MICALL2: variants seen among roughly 807,000 people sequenced by gnomAD.
The protein encoded by MICALL2 is MICAL-like protein 2.
In MICALL2, 111 loss-of-function variants were observed where a neutral mutation model predicts 91.1. That is an observed-to-expected ratio of 1.22 (90% confidence interval 1.04 to 1.43). MICALL2 has a LOEUF of 1.43. MICALL2 is among the 40% of genes most tolerant of loss of function. MICALL2 has a pLI of 0.00. For missense variants in MICALL2, 1,556 were observed against 1,236.0 expected (o/e 1.26, Z -3.88); for synonymous variants, 694 against 525.3 (o/e 1.32, Z -4.39).
chr7:1,444,791 G>T lies in MICALL2; in HGVS notation c.1279C>A (p.Pro427Thr). The T allele has an allele frequency of 6.2e-7, 1 of 1,611,618 alleles. No homozygotes were observed. Among genetic ancestry groups the T allele is most frequent in the Non-Finnish European group, 8.5e-7 (1 of 1,179,456 alleles). Reference sequence around the variant, plus strand: ...CTGCCAGAAAGGCTGGTGCCGGGGGGCACTGCTGATGTTTGGAAAAACTTA... The same window carrying T: ...CTGCCAGAAAGGCTGGTGCCGGGGGTCACTGCTGATGTTTGGAAAAACTTA... ...RNKFFQTSAV[P>T]PGTSLSGRGP... Residue 427 changes from proline (P) to threonine (T), a missense_variant, in exon 6 of 17, where the codon CCC (proline) becomes ACC (threonine). Transcript: ENST00000297508.
At chr7:1,437,167 G>GGCCTGT (rs767551741) in intron 14 of MICALL2, 8 of 484,098 alleles carry the variant, frequency 1.7e-5, no homozygotes, top group Non-Finnish European at 2.5e-5. Context: ...AGACGGCCTG[G>GGCCTGT]GCCTGTGCCC....
At position 1,440,491 on chromosome 7, in the gene MICALL2, A is replaced by G. The variant is rs1584206239; in HGVS notation, c.1805+100T>C. 20 of 1,062,162 alleles carry G rather than the reference A, an allele frequency of 1.9e-5. No individual in the cohort carries two copies. In the South Asian group the frequency reaches 2.6e-4, roughly 14 times the overall value. 65.8% of individuals were successfully genotyped at this position (1,062,162 alleles called of 1,614,324 possible). A position where few individuals can be genotyped will look rare whatever the true frequency, so the allele number is the denominator to read the frequency against. ...CTGCTACTCACAGGGAGGTGCGTCT[A>G]TCCCTGGATAGGCGTGTCAATCGGT... On this transcript the variant is annotated intron_variant, in intron 8 of 16. Transcript: ENST00000297508.
In MICALL2 at chr7:1,436,828, C is replaced by G. The variant is rs1177497845; in HGVS notation, c.2505G>C (p.Arg835=). 6.2e-7 allele frequency: 1 copy of G among 1,604,934 alleles called. No homozygotes were observed. Among genetic ancestry groups the G allele is most frequent in the African/African-American group, 1.3e-5 (1 of 74,560 alleles). Residue 835 remains arginine (R), a synonymous_variant, in exon 15 of 17, where the codon CGG becomes CGC. Coordinates refer to ENST00000297508, the MANE Select transcript of MICALL2 (RefSeq NM_182924.4). ...PEALKSLQER[R]REQELLEQYV... ...ACTGCTCCAGCAGCTCCTGCTCCCG[C>G]CGCCGCTCCTGCAGTGACTTCAGAG...
At position 1,452,354 on chromosome 7, in the gene MICALL2, T is replaced by G. The variant is rs1780865686; in HGVS notation, c.144-2066A>C. On this transcript the variant is annotated intron_variant, in intron 1 of 16. Coordinates refer to ENST00000297508, the MANE Select transcript of MICALL2 (RefSeq NM_182924.4). The surrounding 1 kb of genome is among the most constrained non-coding windows in gnomAD (Gnocchi z 6.2). ...CCGAGGGCACGTGGGTGGCTGTCTATGCCCAGGGACTCTGCAGCCATGCTG... is the reference window on the plus strand; with the variant it reads ...CCGAGGGCACGTGGGTGGCTGTCTAGGCCCAGGGACTCTGCAGCCATGCTG... 6.6e-6 allele frequency among the ~76,000 whole-genome samples: 1 copy of G among 151,948 alleles called. No homozygotes were observed. The highest frequency in any genetic ancestry group is 6.5e-5 in the Admixed American group (1 of 15,274).
chr7:1,451,691 G>A lies in MICALL2; in HGVS notation c.144-1403C>T, dbSNP rs1780833869. Among the ~76,000 whole-genome samples, 2 of 152,202 alleles carry A rather than the reference G, an allele frequency of 1.3e-5. No homozygotes were observed. The highest frequency in any genetic ancestry group is 2.1e-4 in the South Asian group (1 of 4,834). On this transcript the variant is annotated intron_variant, in intron 1 of 16. Coordinates refer to ENST00000297508, the MANE Select transcript of MICALL2 (RefSeq NM_182924.4). This position sits in a 1 kb window ranked among gnomAD's most constrained non-coding sequence, Gnocchi z 4.5. ...TGCATGTCTGACCCCGGCCAGCCTC[G>A]GTCTCAGGGCCTCAGTCTCCCTGTC...
At position 1,455,014 on chromosome 7, in the gene MICALL2, A is replaced by G. The variant is rs144758951; in HGVS notation, c.143+4170T>C. 2.6e-4 allele frequency among the ~76,000 whole-genome samples: 40 copies of G among 152,242 alleles called. 1 individual carries two copies. In the East Asian group the frequency reaches 7.8e-3, roughly 30 times the overall value. On this transcript the variant is annotated intron_variant, in intron 1 of 16. Transcript: ENST00000297508. ...AGACCCAACTTCACGACACCCTCCC[A>G]AGGCCTGGCCACAAATCCGACAAAT...
At chr7:1,453,283 C>T (rs147980332) in intron 1 of MICALL2, among the ~76,000 whole-genome samples, 4 of 152,186 alleles carry the variant, frequency 2.6e-5, no homozygotes, top group African/African-American at 4.8e-5. Context: ...GGGTTCTTTG[C>T]GGGGAGCCCT....
rs377670479 is a variant in MICALL2 at position 1,448,913 on chromosome 7, G to A, written c.193-152C>T. ...TGAGTTCTGCTCGCGTGGCCTCCCG[G>A]CCTCAGCTTACCCATCATTGCAGCG... On this transcript the variant is annotated intron_variant, in intron 2 of 16. Coordinates refer to ENST00000297508, the MANE Select transcript of MICALL2 (RefSeq NM_182924.4). The A allele has an allele frequency of 1.4e-5, 12 of 873,684 alleles. 1 individual carries two copies. Among genetic ancestry groups the A allele is most frequent in the African/African-American group, 1.0e-4 (6 of 59,202 alleles). The allele number at this position is 873,684 out of a possible 1,614,324, so 54.1% of individuals were successfully genotyped here.
At position 1,436,806 on chromosome 7, in the gene MICALL2, G is replaced by A. The variant is rs766853645; in HGVS notation, c.2527C>T (p.Gln843Ter). The change falls in exon 15 of 17, where the codon CAG becomes TAG. Residue 843 changes from glutamine to a stop codon, truncating the protein, a stop_gained. Coordinates refer to ENST00000297508, the MANE Select transcript of MICALL2 (RefSeq NM_182924.4). LOFTEE classifies it high-confidence loss of function. ...CGGTCGTTCACGGTGCTCACGTACT[G>A]CTCCAGCAGCTCCTGCTCCCGCCGC... ...ERRREQELLE[Q>*]YVSTVNDRSD... The A allele has an allele frequency of 9.3e-6, 15 of 1,607,052 alleles. No homozygotes were observed. The highest frequency in any genetic ancestry group is 1.3e-5 in the Non-Finnish European group (15 of 1,177,934).
intron 4 of MICALL2, 29 bp from the exon 5 acceptor site, chr7:1,446,857 C>A (rs1780620595): frequency 6.8e-7 from 1 of 1,469,610 alleles, no homozygotes; most frequent in East Asian, 2.5e-5. Flanking sequence ...CCTCTCTGAG[C>A]AGCCGTCCAC....
chr7:1,453,005 C>T (rs1242651190), intron 1 of MICALL2, among the ~76,000 whole-genome samples: 1 of 151,876 alleles, frequency 6.6e-6, no homozygotes, highest in Non-Finnish European at 1.5e-5. Context: ...CCCAGATGCA[C>T]CTTGCTGTCC....
At position 1,444,951 on chromosome 7, in the gene MICALL2, CG is replaced by C. The variant is rs1780499192; in HGVS notation, c.1118del (p.Pro373ArgfsTer124). 4 of 1,510,008 alleles carry C rather than the reference CG, an allele frequency of 2.6e-6. No individual in the cohort carries two copies. The highest frequency in any genetic ancestry group is 1.4e-5 in the African/African-American group (1 of 72,550). The allele number at this position is 1,510,008 out of a possible 1,614,324, so 93.5% of individuals were successfully genotyped here. A position where few individuals can be genotyped will look rare whatever the true frequency, so the allele number is the denominator to read the frequency against. ...AVPPSAPDPR[P>X]ATPQGGGAPR... ...GGGCTCCCCCACCCTGGGGTGTGGC[CG>C]GGCGAGGGTCTGGGGCACTCGGGGG... On this transcript the variant is annotated frameshift_variant, in exon 6 of 17. Coordinates refer to ENST00000297508, the MANE Select transcript of MICALL2 (RefSeq NM_182924.4). LOFTEE classifies it high-confidence loss of function.
intron 6 of MICALL2, 132 bp from the exon 7 acceptor site, chr7:1,442,616 C>T: frequency 1.2e-6 from 1 of 850,106 alleles, no homozygotes; most frequent in South Asian, 1.8e-5. Context: ...CACCATCACC[C>T]CAGGCCACCC....
At chr7:1,459,110 G>A in intron 1 of MICALL2, 74 bp downstream of exon 1, 1 of 1,477,774 alleles carries the variant, frequency 6.8e-7, no homozygotes, top group Non-Finnish European at 9.2e-7. Flanking sequence ...CAGCCGCCCG[G>A]GCCTCAGTTT....
chr7:1,438,794 T>TC (rs770230124), intron 10 of MICALL2, 46 bp downstream of exon 10: 6 of 1,556,192 alleles, frequency 3.9e-6, no homozygotes, highest in African/African-American at 2.7e-5. Context: ...AGAGGAAGGC[T>TC]CCCTTCACGT....
intron 6 of MICALL2, among the ~76,000 whole-genome samples, chr7:1,443,337 G>A (rs560556715): frequency 5.1e-4 from 77 of 152,128 alleles, no homozygotes; most frequent in African/African-American, 1.7e-3. Flanking sequence ...CGGAGGCTCT[G>A]AGCACCCCCT....
rs761314102 is a variant in MICALL2, at chr7:1,438,323, G to A, written c.2153C>T (p.Ala718Val). The change falls in exon 11 of 17, where the codon GCT becomes GTT. Residue 718 changes from alanine to valine, a missense_variant. Physicochemically the swap from Ala to Val is moderately conservative, Grantham distance 64. Coordinates refer to ENST00000297508, the MANE Select transcript of MICALL2 (RefSeq NM_182924.4). ...GGAGGTCACCGTCTCGCCAGGCAGAGCAGGGACATTGGCCGGGGACAAGGG... is the reference window on the plus strand; with the variant it reads ...GGAGGTCACCGTCTCGCCAGGCAGAACAGGGACATTGGCCGGGGACAAGGG... ...GRPLSPANVP[A>V]LPGETVTSPV... 5.6e-6 allele frequency: 9 copies of A among 1,604,860 alleles called. No homozygotes were observed. In the Admixed American group the frequency reaches 1.2e-4, roughly 21 times the overall value.
Position 1,440,432 on chromosome 7 carries a change from C to T in MICALL2, c.1805+159G>A, listed in dbSNP as rs117285659. ...GCTGCCCCCAAACCAGGGACAGCGGCCCCCATGTCCCTCAGGCAGGGGTGA... is the reference window on the plus strand; with the variant it reads ...GCTGCCCCCAAACCAGGGACAGCGGTCCCCATGTCCCTCAGGCAGGGGTGA... On this transcript the variant is annotated intron_variant, in intron 8 of 16. Transcript: ENST00000297508. 2.7e-4 allele frequency: 186 copies of T among 694,196 alleles called. 2 individuals are homozygous for T. In the East Asian group the frequency reaches 4.9e-3, roughly 18 times the overall value. 43.0% of individuals were successfully genotyped at this position (694,196 alleles called of 1,614,324 possible).
intron 15 of MICALL2, among the ~76,000 whole-genome samples, chr7:1,436,391 C>A (rs1250533778): frequency 6.7e-6 from 1 of 148,714 alleles, no homozygotes; most frequent in East Asian, 2.0e-4. Context: ...TCAAAAAAAA[C>A]AAAAACAAAA....
Sources: allele counts gnomAD v4.1 joint callset (sites outside exome capture counted in the v4.1 genomes callset), GRCh38; gene constraint gnomAD v4.1.1; non-coding constraint Gnocchi (gnomAD v3.1); transcripts MANE v1.5; gene names NCBI Gene and HGNC (gene_info 2026-07-23, HGNC 2026-07-21).